Variants in KAZN observed in about 807,000 individuals in gnomAD.
KAZN encodes kazrin, periplakin interacting protein.
A neutral mutation model predicts 87.4 loss-of-function variants in KAZN; 40 were observed. That is an observed-to-expected ratio of 0.46 (90% CI 0.36 to 0.60). The LOEUF (loss-of-function observed/expected upper bound fraction) is 0.60. KAZN is among the 20% of genes least tolerant of loss of function. The pLI is 0.00. For synonymous variants in KAZN, 466 were observed against 458.3 expected, an observed-to-expected ratio of 1.02 and a Z score of -0.22; for missense variants, 898 against 1,073.9, an observed-to-expected ratio of 0.84 and a Z score of 2.29.
chr1:14,777,247 C>T (rs868207518), intron 1 of KAZN, among the ~76,000 whole-genome samples: 4 of 152,078 alleles, frequency 2.6e-5, no homozygotes, highest in Non-Finnish European at 4.4e-5. Flanking sequence ...CTGCCTGCCT[C>T]AGCCTCCCAA....
In KAZN at chr1:14,598,912, T is replaced by C. The variant is rs1676709583; in HGVS notation, c.-86T>C. ...GCCGGGCCGCGGAGGACACAACAGG[T>C]AGAGCCGGGGGTGCCCGGCCGCGCG... On this transcript the variant is annotated 5_prime_UTR_variant, in exon 1 of 15. Transcript: ENST00000376030. This position sits in a 1 kb window ranked among gnomAD's most constrained non-coding sequence, Gnocchi z 4.2. 2 of 1,542,400 alleles carry C rather than the reference T, an allele frequency of 1.3e-6. No homozygotes were observed. The highest frequency in any genetic ancestry group is 4.2e-5 in the Admixed American group (2 of 48,088).
chr1:14,164,454 T>TTGTG lies in KAZN; in HGVS notation c.92-15957_92-15954dup, dbSNP rs59816103. ...TTTCAAGAGAGAAAACACTATGGCT[T>TTGTG]TGTGTGTGTGTGTGTGTGTGTGTGT... On this transcript the variant is annotated intron_variant, in intron 1 of 16. Coordinates refer to the KAZN transcript ENST00000636203. Among the ~76,000 whole-genome samples, 1,210 of 144,726 alleles carry TTGTG rather than the reference T, an allele frequency of 8.4e-3. 6 individuals are homozygous for TTGTG. The highest frequency in any genetic ancestry group is 0.013 in the African/African-American group (496 of 38,708). 94.9% of individuals were successfully genotyped at this position (144,726 alleles called of 152,430 possible).
At chr1:14,883,086 G>A (rs1342460200) in intron 1 of KAZN, among the ~76,000 whole-genome samples, 1 of 151,630 alleles carries the variant, frequency 6.6e-6, no homozygotes, top group Non-Finnish European at 1.5e-5. Context: ...ACCTGAGGTC[G>A]GGAGTTCGAG....
At chr1:14,548,527 A>G (rs776048284) in intron 2 of KAZN, among the ~76,000 whole-genome samples, 19 of 152,226 alleles carry the variant, frequency 1.2e-4, no homozygotes, top group Middle Eastern at 3.4e-3. Flanking sequence ...ATTTCGCCAT[A>G]TATGTTTACT....
At chr1:14,600,828 T>C (rs2235728) in intron 1 of KAZN, among the ~76,000 whole-genome samples, 126,538 of 152,202 alleles carry the variant, frequency 0.83, 52,845 homozygotes, top group African/African-American at 0.91. Flanking sequence ...TATTTCCCAC[T>C]GTCTGCCCCT....
intron 2 of KAZN, among the ~76,000 whole-genome samples, chr1:14,375,339 T>C (rs1660811289): frequency 6.6e-6 from 1 of 151,996 alleles, no homozygotes; most frequent in South Asian, 2.1e-4. Flanking sequence ...TCTCCATAAG[T>C]CAGTCCAACA....
At chr1:14,768,638 A>G (rs1242075273) in intron 1 of KAZN, among the ~76,000 whole-genome samples, 2 of 152,188 alleles carry the variant, frequency 1.3e-5, no homozygotes, top group Admixed American at 6.5e-5. Flanking sequence ...AGCATTTGCT[A>G]TTAGATCCTC....
chr1:14,330,701 C>T (rs531348805), intron 2 of KAZN, among the ~76,000 whole-genome samples: 12 of 152,048 alleles, frequency 7.9e-5, no homozygotes, highest in East Asian at 3.9e-4. Flanking sequence ...GTGGTCATCA[C>T]GGACTTTCAG....
At chr1:14,222,915 A>G (rs1647138630) in intron 2 of KAZN, 1 of 152,194 alleles carries the variant, frequency 6.6e-6, no homozygotes, top group African/African-American at 2.4e-5. Flanking sequence ...TATCATTATT[A>G]TTATAGTCAT....
intron 2 of KAZN, among the ~76,000 whole-genome samples, chr1:14,564,718 C>G (rs1674450659): frequency 1.3e-5 from 2 of 151,632 alleles, no homozygotes; most frequent in East Asian, 3.9e-4. Flanking sequence ...GAGGCTGACG[C>G]AGGAGAATTG....
chr1:14,966,908 G>A (rs566683553), intron 2 of KAZN, among the ~76,000 whole-genome samples: 2 of 152,050 alleles, frequency 1.3e-5, no homozygotes, highest in East Asian at 3.9e-4. Flanking sequence ...GACCTCAGGT[G>A]ATCACCCGAC....
intron 2 of KAZN, among the ~76,000 whole-genome samples, chr1:14,352,949 G>A (rs546796384): frequency 6.6e-5 from 10 of 152,152 alleles, no homozygotes; most frequent in African/African-American, 2.2e-4. Flanking sequence ...ATGAAGAAAA[G>A]GCATTTGCCG....
In KAZN at chr1:15,114,888, G is replaced by A. The variant is rs1193492125; in HGVS notation, c.*253G>A. 1 of 388,618 alleles carries A rather than the reference G, an allele frequency of 2.6e-6. No homozygotes were observed. The highest frequency in any genetic ancestry group is 2.0e-5 in the African/African-American group (1 of 49,988). 24.1% of individuals were successfully genotyped at this position (388,618 alleles called of 1,614,324 possible). ...AGATGGGCCCAGAGGACCTGTCACA[G>A]TGTCCGGCCCTGCCTCCATCCAGGA... On this transcript the variant is annotated 3_prime_UTR_variant, in exon 15 of 15. Transcript: ENST00000376030.
intron 1 of KAZN, among the ~76,000 whole-genome samples, chr1:14,936,536 A>T (rs991546697): frequency 2.6e-5 from 4 of 152,032 alleles, no homozygotes; most frequent in Non-Finnish European, 5.9e-5. Context: ...ATACTCGGCT[A>T]CTTTTGCCAT....
At chr1:15,083,272 G>A (rs915185233) in intron 8 of KAZN, among the ~76,000 whole-genome samples, 3 of 152,194 alleles carry the variant, frequency 2.0e-5, no homozygotes, top group African/African-American at 7.2e-5. Context: ...GCTAGGTGGA[G>A]GGGGGACTGT....
chr1:14,217,719 C>T (rs928803565), intron 2 of KAZN, among the ~76,000 whole-genome samples: 6 of 151,770 alleles, frequency 4.0e-5, no homozygotes, highest in Non-Finnish European at 8.8e-5. Flanking sequence ...GGAAACTGAC[C>T]CAAAATAACC....
chr1:14,222,392 A>G (rs894262122), intron 2 of KAZN, among the ~76,000 whole-genome samples: 1 of 152,202 alleles, frequency 6.6e-6, no homozygotes, highest in Non-Finnish European at 1.5e-5. Context: ...ACACTTAACC[A>G]TTTAAATGCT....
rs544578058 is a variant in KAZN at position 13,932,549 on chromosome 1, C to T, written c.91+38793C>T. Among the ~76,000 whole-genome samples the T allele has an allele frequency of 4.6e-5, 7 of 152,286 alleles. No individual in the cohort carries two copies. The East Asian group carries it at 7.7e-4, about 17-fold the overall frequency. On this transcript the variant is annotated intron_variant, in intron 1 of 16. Transcript: ENST00000636203. Reference sequence around the variant, plus strand: ...TGCTGGGATTACAGGCGTGAGCCACCGCGCCCGGCCTTATTAAACATATTA... The same window carrying T: ...TGCTGGGATTACAGGCGTGAGCCACTGCGCCCGGCCTTATTAAACATATTA...
In KAZN at chr1:13,915,506, A is replaced by G. The variant is rs565282633; in HGVS notation, c.91+21750A>G. Among the ~76,000 whole-genome samples, 5 of 152,324 alleles carry G rather than the reference A, an allele frequency of 3.3e-5. No homozygotes were observed. The East Asian group carries it at 9.7e-4, about 29-fold the overall frequency. On this transcript the variant is annotated intron_variant, in intron 1 of 16. Transcript: ENST00000636203. ...GAACGTCATAATATGGCCCTGGCAGATGAAGAGGAGTCCTGCCCTCTCCAT... is the reference window on the plus strand; with the variant it reads ...GAACGTCATAATATGGCCCTGGCAGGTGAAGAGGAGTCCTGCCCTCTCCAT...
Sources: gnomAD v4.1 joint callset for allele counts (sites outside exome capture counted in the v4.1 genomes callset) on GRCh38, gnomAD v4.1.1 for gene constraint, Gnocchi (gnomAD v3.1) non-coding constraint, MANE v1.5 for transcripts, NCBI Gene and HGNC (gene_info 2026-07-23, HGNC 2026-07-21) for gene names.